MAGI3: variants seen among roughly 807,000 people sequenced by gnomAD.
MAGI3 encodes membrane-associated guanylate kinase, WW and PDZ domain-containing protein 3.
MAGI3 carries 43 observed loss-of-function variants against 121.8 expected under a neutral mutation model. The observed-to-expected ratio is 0.35, with a 90% CI of 0.28 to 0.46. MAGI3 has a LOEUF of 0.46. Among genes scored for constraint, MAGI3 ranks in the 20% least tolerant of loss-of-function variants. The pLI, the probability that MAGI3 is intolerant of heterozygous loss-of-function variation, is 1.00. For missense variants in MAGI3, 1,547 were observed against 1,797.3 expected (o/e 0.86, Z 2.52); for synonymous variants, 553 against 639.3 (o/e 0.86, Z 2.04).
intron 1 of MAGI3, among the ~76,000 whole-genome samples, chr1:113,425,784 T>A (rs190615836): frequency 6.6e-6 from 1 of 152,288 alleles, no homozygotes; most frequent in African/African-American, 2.4e-5. Flanking sequence ...ATTGGTGATT[T>A]GTATTTTCTC....
intron 1 of MAGI3, among the ~76,000 whole-genome samples, chr1:113,493,859 A>G (rs1026493552): frequency 6.6e-6 from 1 of 152,184 alleles, no homozygotes; most frequent in Non-Finnish European, 1.5e-5. Context: ...TTAAAAAGTC[A>G]AAAAACAACA....
At position 113,630,641 on chromosome 1, in the gene MAGI3, A is replaced by G. The variant is rs972762429; in HGVS notation, c.1360+7647A>G. Among the ~76,000 whole-genome samples, 68 of 152,176 alleles carry G rather than the reference A, an allele frequency of 4.5e-4. 2 individuals are homozygous for G. The highest frequency in any genetic ancestry group is 3.7e-3 in the Admixed American group (56 of 15,276). On this transcript the variant is annotated intron_variant, in intron 9 of 20. Coordinates refer to ENST00000307546, the MANE Select transcript of MAGI3 (RefSeq NM_001142782.2). Reference sequence around the variant, plus strand: ...ACCTGGGTATTGCTATTGGTTATTCAGGGCCCAGGGGCTCTTGAGCAGGCA... The same window carrying G: ...ACCTGGGTATTGCTATTGGTTATTCGGGGCCCAGGGGCTCTTGAGCAGGCA...
At chr1:113,542,745 ACACAGGTACATACGCGTGTG>A (rs1378868019) in intron 1 of MAGI3, among the ~76,000 whole-genome samples, 1 of 152,244 alleles carries the variant, frequency 6.6e-6, no homozygotes, top group Non-Finnish European at 1.5e-5. Context: ...TCTCTTACAC[ACACAGGTACATACGCGTGTG>A]CACACACACA....
At chr1:113,668,532 A>G (rs1647302556) in intron 16 of MAGI3, among the ~76,000 whole-genome samples, 1 of 150,620 alleles carries the variant, frequency 6.6e-6, no homozygotes, top group Non-Finnish European at 1.5e-5. Flanking sequence ...TTTTACTTAA[A>G]TTTGATGAAG....
intron 1 of MAGI3, among the ~76,000 whole-genome samples, chr1:113,549,004 C>T (rs992577793): frequency 3.9e-5 from 6 of 152,128 alleles, no homozygotes; most frequent in African/African-American, 1.4e-4. Context: ...GTTGATGGTG[C>T]CTTCTACAAT....
At chr1:113,436,942 G>A (rs1653597766) in intron 1 of MAGI3, among the ~76,000 whole-genome samples, 1 of 151,454 alleles carries the variant, frequency 6.6e-6, no homozygotes, top group African/African-American at 2.4e-5. Flanking sequence ...CACCTCCAGA[G>A]TAGCTGGGAC....
At chr1:113,552,768 AT>A (rs887917064) in intron 2 of MAGI3, among the ~76,000 whole-genome samples, 8 of 152,300 alleles carry the variant, frequency 5.3e-5, no homozygotes, top group South Asian at 4.1e-4. Context: ...TTACACAAAA[AT>A]TGAAGTGTCC....
intron 9 of MAGI3, among the ~76,000 whole-genome samples, chr1:113,641,431 G>A (rs1652526991): frequency 6.6e-6 from 1 of 151,134 alleles, no homozygotes; most frequent in South Asian, 2.1e-4. Context: ...CTAGAGTTTG[G>A]TTAAGGACAG....
rs1293607009 is a variant in MAGI3 at position 113,416,207 on chromosome 1, ATAT to A, written c.316+24865_316+24867del. Among the ~76,000 whole-genome samples, 43 of 100,072 alleles carry A rather than the reference ATAT, an allele frequency of 4.3e-4. 9 individuals carry two copies. The highest frequency in any genetic ancestry group is 7.0e-4 in the Non-Finnish European group (30 of 43,006). 65.7% of individuals were successfully genotyped at this position (100,072 alleles called of 152,430 possible). Reference sequence around the variant, plus strand: ...ATATTAATTATGTAATTAATGACACATATTATTATGTGTAATTAATGACACATA... The same window carrying A: ...ATATTAATTATGTAATTAATGACACATATTATGTGTAATTAATGACACATA... On this transcript the variant is annotated intron_variant, in intron 1 of 20. Coordinates refer to ENST00000307546, the MANE Select transcript of MAGI3 (RefSeq NM_001142782.2).
chr1:113,557,600 G>T (rs1418596176), intron 2 of MAGI3, among the ~76,000 whole-genome samples: 2 of 152,194 alleles, frequency 1.3e-5, no homozygotes, highest in African/African-American at 4.8e-5. Flanking sequence ...CCTGAGGGGT[G>T]GGCAAGCTGC....
chr1:113,614,629 G>C lies in MAGI3; in HGVS notation c.1047G>C (p.Glu349Asp). ...TTCCTTATGGCTGGGAGAAAATAGA[G>C]GACCCTCAGTATGGGACATACTATG... is the stretch of plus-strand genomic sequence containing the variant. ...GELPYGWEKI[E>D]DPQYGTYYVD... Residue 349 changes from glutamate to aspartate, a missense_variant, in exon 7 of 21, where the codon GAG becomes GAC. Physicochemically the swap from Glu to Asp is conservative, Grantham distance 45 (BLOSUM62 2). Transcript: ENST00000307546. 6.2e-7 allele frequency: 1 copy of C among 1,609,106 alleles called. No individual in the cohort carries two copies. Among genetic ancestry groups the C allele is most frequent in the Non-Finnish European group, 8.5e-7 (1 of 1,177,198 alleles).
chr1:113,455,959 T>TA (rs1654732292), intron 1 of MAGI3, among the ~76,000 whole-genome samples: 1 of 149,934 alleles, frequency 6.7e-6, no homozygotes, highest in Non-Finnish European at 1.5e-5. Context: ...TTCTCTCTCT[T>TA]TTTTTTTTGG....
chr1:113,460,525 C>T (rs1196498279), intron 1 of MAGI3, among the ~76,000 whole-genome samples: 1 of 152,056 alleles, frequency 6.6e-6, no homozygotes, highest in Non-Finnish European at 1.5e-5. Context: ...ACCCAATAGT[C>T]TCAGCCGGGC....
Position 113,646,556 on chromosome 1 carries a change from T to C in MAGI3, c.2069T>C (p.Phe690Ser). ...INEPIPQPMPFPPSIIRSGSP... is the reference protein window; with the variant it reads ...INEPIPQPMPSPPSIIRSGSP... ...GAGCCTATTCCTCAGCCTATGCCTT[T>C]TCCACCGAGCATTATCAGGTCAGGA... The change falls in exon 12 of 21, where the codon TTT becomes TCT. Residue 690 changes from phenylalanine to serine, a missense_variant. Physicochemically the swap from Phe to Ser is radical, Grantham distance 155. Coordinates refer to ENST00000307546, the MANE Select transcript of MAGI3 (RefSeq NM_001142782.2). 1.2e-6 allele frequency: 2 copies of C among 1,613,722 alleles called. No individual in the cohort carries two copies. The highest frequency in any genetic ancestry group is 1.7e-6 in the Non-Finnish European group (2 of 1,179,766).
intron 7 of MAGI3, among the ~76,000 whole-genome samples, chr1:113,616,692 T>C (rs1028827627): frequency 6.6e-6 from 1 of 152,210 alleles, no homozygotes; most frequent in African/African-American, 2.4e-5. Flanking sequence ...CTTATATATT[T>C]AGAAATGCGG....
At chr1:113,491,466 A>G (rs992229536) in intron 1 of MAGI3, among the ~76,000 whole-genome samples, 2 of 152,174 alleles carry the variant, frequency 1.3e-5, no homozygotes, top group African/African-American at 4.8e-5. Flanking sequence ...AACTAAGAGA[A>G]CTAGTGAAAT....
intron 9 of MAGI3, among the ~76,000 whole-genome samples, chr1:113,633,315 G>T (rs1651779921): frequency 8.4e-6 from 1 of 118,420 alleles, no homozygotes; most frequent in Non-Finnish European, 1.6e-5. Flanking sequence ...AGGCTGGAGT[G>T]CAGTGGCGGG....
chr1:113,615,142 T>A lies in MAGI3; in HGVS notation c.1076+484T>A, dbSNP rs1650378464. 3.3e-5 allele frequency among the ~76,000 whole-genome samples: 5 copies of A among 152,168 alleles called. No individual in the cohort carries two copies. In the South Asian group the frequency reaches 1.0e-3, roughly 32 times the overall value. ...GAAAACTTAGTATTCTTTTTAGGGGTGAAAGTTGCTTCTTAGGCAGCTGCT... is the reference window on the plus strand; with the variant it reads ...GAAAACTTAGTATTCTTTTTAGGGGAGAAAGTTGCTTCTTAGGCAGCTGCT... On this transcript the variant is annotated intron_variant, in intron 7 of 20. Transcript: ENST00000307546.
At chr1:113,450,096 A>G in intron 1 of MAGI3, 2 of 1,485,168 alleles carry the variant, frequency 1.3e-6, no homozygotes, top group Admixed American at 1.7e-5. Flanking sequence ...AATTGAAACC[A>G]TAGAAGTTAC....
Sources: allele counts gnomAD v4.1 joint callset (sites outside exome capture counted in the v4.1 genomes callset), GRCh38; gene constraint gnomAD v4.1.1; transcripts MANE v1.5; gene names NCBI Gene and HGNC (gene_info 2026-07-23, HGNC 2026-07-21).